TMEM117: variants seen among roughly 807,000 people sequenced by gnomAD.
TMEM117 encodes the protein transmembrane protein 117.
In TMEM117, 27 loss-of-function variants were observed where a neutral mutation model predicts 52.4. That is an observed-to-expected ratio of 0.51 (90% CI 0.38 to 0.71). TMEM117 has a LOEUF of 0.71. TMEM117 is among the 30% of genes least tolerant of loss of function. The probability of loss-of-function intolerance (pLI) is 0.00; values close to 1 mark genes in which losing one functional copy is unlikely to be tolerated. For missense variants in TMEM117, 556 were observed against 630.5 expected, an observed-to-expected ratio of 0.88 and a Z score of 1.26; for synonymous variants, 215 against 206.3, an observed-to-expected ratio of 1.04 and a Z score of -0.36.
intron 2 of TMEM117, among the ~76,000 whole-genome samples, chr12:43,910,194 G>A (rs2137529803): frequency 6.6e-6 from 1 of 151,108 alleles, no homozygotes; most frequent in South Asian, 2.1e-4. Context: ...TTCAATATAT[G>A]CAAATCAATA....
At chr12:43,837,419 T>G (rs1225781991) in intron 1 of TMEM117, among the ~76,000 whole-genome samples, 3 of 152,254 alleles carry the variant, frequency 2.0e-5, no homozygotes, top group Middle Eastern at 3.4e-3. Flanking sequence ...GATTTCCAGC[T>G]CACTGCAACC....
chr12:44,009,418 C>A, intron 3 of TMEM117: 1 of 204,048 alleles, frequency 4.9e-6, no homozygotes, highest in South Asian at 9.8e-5. Context: ...CAGAAAAATA[C>A]ACAACCACTT....
At chr12:44,038,393 A>G (rs1352152595) in intron 3 of TMEM117, among the ~76,000 whole-genome samples, 3 of 152,172 alleles carry the variant, frequency 2.0e-5, no homozygotes, top group African/African-American at 7.2e-5. Flanking sequence ...CACCTGGTCC[A>G]GTCACAGCCT....
At chr12:43,811,417 G>A in the TMEM117 span, among the ~76,000 whole-genome samples, 2 of 152,172 alleles carry the variant, frequency 1.3e-5, no homozygotes, top group African/African-American at 2.4e-5. Flanking sequence ...CTGCCTCCTT[G>A]TTGATTGTCA....
At chr12:44,149,502 T>G (rs1948691564) in intron 4 of TMEM117, among the ~76,000 whole-genome samples, 1 of 152,190 alleles carries the variant, frequency 6.6e-6, no homozygotes, top group African/African-American at 2.4e-5. Flanking sequence ...TATATAAACA[T>G]ACAACCTAAA....
At chr12:43,902,875 A>G (rs1944327330) in intron 2 of TMEM117, among the ~76,000 whole-genome samples, 1 of 152,208 alleles carries the variant, frequency 6.6e-6, no homozygotes, top group Non-Finnish European at 1.5e-5. Context: ...TAGCTTAACA[A>G]GGACAAAAGC....
At chr12:43,868,803 T>C (rs1731442) in intron 2 of TMEM117, among the ~76,000 whole-genome samples, 111,168 of 151,636 alleles carry the variant, frequency 0.73, 43,706 homozygotes, top group East Asian at 0.93. Context: ...AAGAACAAAT[T>C]GAATCAAAAG....
At chr12:43,804,688 T>C in the TMEM117 span, 1 of 591,752 alleles carries the variant, frequency 1.7e-6, no homozygotes, top group East Asian at 3.2e-5. Context: ...GTAGCATCCT[T>C]ATTATCAGTA....
intron 2 of TMEM117, among the ~76,000 whole-genome samples, chr12:43,856,918 C>A (rs576832634): frequency 6.6e-6 from 1 of 152,272 alleles, no homozygotes; most frequent in Non-Finnish European, 1.5e-5. Context: ...CCCAGGAACA[C>A]CCTTCTTCAG....
rs147658452 is a variant in TMEM117 at position 44,167,541 on chromosome 12, G to A, written c.510+23917G>A. Among the ~76,000 whole-genome samples the A allele has an allele frequency of 3.3e-3, 497 of 152,084 alleles. 3 individuals are homozygous for A. Among genetic ancestry groups the A allele is most frequent in the African/African-American group, 0.011 (467 of 41,502 alleles). ...AAATTAGCTGGGCATGGTGGCACGC[G>A]CCTGTAGTCCAGCTACTCGGGAGGC... On this transcript the variant is annotated intron_variant, in intron 4 of 7. Transcript: ENST00000266534.
intron 6 of TMEM117, among the ~76,000 whole-genome samples, chr12:44,317,611 G>C (rs148033778): frequency 6.6e-6 from 1 of 152,234 alleles, no homozygotes; most frequent in African/African-American, 2.4e-5. Context: ...GGCCAGGCTA[G>C]TCTCGAACTC....
intron 3 of TMEM117, among the ~76,000 whole-genome samples, chr12:44,060,388 T>G (rs1947121087): frequency 6.6e-6 from 1 of 152,142 alleles, no homozygotes; most frequent in South Asian, 2.1e-4. Flanking sequence ...GAATTTAAGT[T>G]ACAGTTGCGG....
intron 2 of TMEM117, among the ~76,000 whole-genome samples, chr12:43,861,600 T>C (rs752918372): frequency 6.6e-6 from 1 of 152,252 alleles, no homozygotes; most frequent in African/African-American, 2.4e-5. Flanking sequence ...ATATTTTTAC[T>C]CTTCTTCGGA....
intron 3 of TMEM117, among the ~76,000 whole-genome samples, chr12:44,004,111 C>A (rs1946157650): frequency 6.6e-6 from 1 of 152,212 alleles, no homozygotes; most frequent in Admixed American, 6.5e-5. Flanking sequence ...TCATTTCCTG[C>A]CACCTGCCAT....
chr12:44,152,620 ATATT>A (rs1948763514), intron 4 of TMEM117, among the ~76,000 whole-genome samples: 1 of 126,952 alleles, frequency 7.9e-6, no homozygotes, highest in Non-Finnish European at 1.6e-5. Context: ...TATATACATA[ATATT>A]TATATCATAT....
intron 4 of TMEM117, among the ~76,000 whole-genome samples, chr12:44,173,586 C>CCTTTTTTTTTTTTTTTTTTTTTTTTTTT (rs796747337): frequency 6.1e-5 from 9 of 148,108 alleles, no homozygotes; most frequent in African/African-American, 2.1e-4. Flanking sequence ...TTTTTTTATT[C>CCTTTTTTTTTTTTTTTTTTTTTTTTTTT]TTTAGTTGCT....
chr12:44,258,622 G>T (rs555073165), intron 5 of TMEM117, among the ~76,000 whole-genome samples: 1 of 152,200 alleles, frequency 6.6e-6, no homozygotes, highest in Admixed American at 6.5e-5. Flanking sequence ...AATAATTAAA[G>T]ATTGGTTCAA....
At chr12:44,243,537 A>T (rs538601993) in intron 5 of TMEM117, among the ~76,000 whole-genome samples, 13 of 151,942 alleles carry the variant, frequency 8.6e-5, no homozygotes, top group East Asian at 1.9e-4. Flanking sequence ...ATGAGGTACA[A>T]TGTGGTGCTA....
At chr12:44,268,284 T>C (rs554397117) in intron 5 of TMEM117, among the ~76,000 whole-genome samples, 2 of 152,092 alleles carry the variant, frequency 1.3e-5, no homozygotes, top group South Asian at 4.1e-4. Flanking sequence ...ACTGCAGACA[T>C]GCACCGCCAT....
Sources: allele counts gnomAD v4.1 joint callset (sites outside exome capture counted in the v4.1 genomes callset), GRCh38; gene constraint gnomAD v4.1.1; transcripts MANE v1.5; gene names NCBI Gene and HGNC (gene_info 2026-07-23, HGNC 2026-07-21).